AGAP3: variants seen among roughly 807,000 people sequenced by gnomAD.
AGAP3 encodes the protein ArfGAP with GTPase domain, ankyrin repeat and PH domain 3, also known as arf-GAP with GTPase, ANK repeat and PH domain-containing protein 3.
AGAP3 carries 24 observed loss-of-function variants against 96.9 expected under a neutral mutation model. That is an observed-to-expected ratio of 0.25 (90% CI 0.18 to 0.35). The LOEUF is 0.35. AGAP3 is among the 10% of genes least tolerant of loss of function. The pLI, the probability that AGAP3 is intolerant of heterozygous loss-of-function variation, is 1.00. For missense variants in AGAP3, 876 were observed against 1,254.2 expected, an observed-to-expected ratio of 0.70 and a Z score of 4.55; for synonymous variants, 563 against 536.1, an observed-to-expected ratio of 1.05 and a Z score of -0.69.
intron 1 of AGAP3, among the ~76,000 whole-genome samples, chr7:151,109,198 A>T (rs1340034394): frequency 6.6e-6 from 1 of 151,412 alleles, no homozygotes; most frequent in African/African-American, 2.4e-5. Context: ...CAAAAAACAA[A>T]GAAAACAAAG....
At position 151,108,549 on chromosome 7, in the gene AGAP3, G is replaced by A. The variant is rs1055453913; in HGVS notation, c.332-8244G>A. Among the ~76,000 whole-genome samples the A allele has an allele frequency of 6.6e-6, 1 of 152,192 alleles. No homozygotes were observed. Among genetic ancestry groups the A allele is most frequent in the African/African-American group, 2.4e-5 (1 of 41,442 alleles). On this transcript the variant is annotated intron_variant, in intron 1 of 17. Coordinates refer to ENST00000397238, the MANE Select transcript of AGAP3 (RefSeq NM_031946.7). The surrounding 1 kb of genome is among the most constrained non-coding windows in gnomAD (Gnocchi z 4.2). ...CGACATCCTGACCTCTGGAGATGGG[G>A]CAGAATCCCCGGGCCTCAGAGCAGC...
intron 1 of AGAP3, among the ~76,000 whole-genome samples, chr7:151,113,375 C>CA (rs1164603497): frequency 6.6e-6 from 1 of 151,706 alleles, no homozygotes; most frequent in African/African-American, 2.4e-5. Context: ...AGGGCCTCTC[C>CA]AGGCCTGGGA....
intron 1 of AGAP3, among the ~76,000 whole-genome samples, chr7:151,110,236 C>G (rs1799225649): frequency 6.6e-6 from 1 of 152,212 alleles, no homozygotes; most frequent in Non-Finnish European, 1.5e-5. Flanking sequence ...GCAAAGACTT[C>G]CACTCATTCA....
intron 8 of AGAP3, among the ~76,000 whole-genome samples, chr7:151,122,206 G>A (rs1473863247): frequency 2.6e-5 from 4 of 152,234 alleles, no homozygotes; most frequent in Non-Finnish European, 4.4e-5. Flanking sequence ...GGCCAAAGGG[G>A]CAGAGGGCTG....
chr7:151,124,229 C>T (rs903158884), intron 9 of AGAP3, among the ~76,000 whole-genome samples: 1 of 152,164 alleles, frequency 6.6e-6, no homozygotes, highest in African/African-American at 2.4e-5. Flanking sequence ...ATGAGCAACC[C>T]GAGAAGCCTG....
rs370047175 is a variant in AGAP3, at chr7:151,127,695, G to A, written c.1222-885G>A. Among the ~76,000 whole-genome samples the A allele has an allele frequency of 4.6e-5, 7 of 152,344 alleles. No individual in the cohort carries two copies. The East Asian group carries it at 5.8e-4, about 13-fold the overall frequency. On this transcript the variant is annotated intron_variant, in intron 9 of 17. Coordinates refer to ENST00000397238, the MANE Select transcript of AGAP3 (RefSeq NM_031946.7). ...CCTTGTGTGTGTTGTTTAAGGGAGA[G>A]AAGCTGAGCCAGTGAGAGCATCTTT...
At chr7:151,123,625 C>T in intron 8 of AGAP3, 169 bp from the exon 9 acceptor site, 1 of 1,458,608 alleles carries the variant, frequency 6.9e-7, no homozygotes, top group Non-Finnish European at 9.0e-7. Context: ...TAAGAATAAA[C>T]CCGTTGGAAT....
intron 9 of AGAP3, among the ~76,000 whole-genome samples, chr7:151,126,299 C>G (rs998245063): frequency 1.3e-5 from 2 of 152,102 alleles, no homozygotes; most frequent in African/African-American, 4.8e-5. Flanking sequence ...AGAAACCGCG[C>G]GCAGTGCAGG....
chr7:151,144,137 G>A lies in AGAP3; in HGVS notation c.*194G>A. Reference sequence around the variant, plus strand: ...TTGAGCTGCAGCAGAGAGGGATGAGGGATTTAGCCCTCTGCCCTAAGGTGC... The same window carrying A: ...TTGAGCTGCAGCAGAGAGGGATGAGAGATTTAGCCCTCTGCCCTAAGGTGC... On this transcript the variant is annotated 3_prime_UTR_variant, in exon 18 of 18. Transcript: ENST00000397238. 1.5e-6 allele frequency: 1 copy of A among 657,998 alleles called. No homozygotes were observed. The highest frequency in any genetic ancestry group is 2.6e-6 in the Non-Finnish European group (1 of 390,118). The allele number at this position is 657,998 out of a possible 1,614,324, so 40.8% of individuals were successfully genotyped here. A position where few individuals can be genotyped will look rare whatever the true frequency, so the allele number is the denominator to read the frequency against.
Position 151,133,781 on chromosome 7 carries a change from A to T in AGAP3, c.1327-619A>T, listed in dbSNP as rs1800488617. On this transcript the variant is annotated intron_variant, in intron 10 of 17. Coordinates refer to ENST00000397238, the MANE Select transcript of AGAP3 (RefSeq NM_031946.7). The surrounding 1 kb of genome is among the most constrained non-coding windows in gnomAD (Gnocchi z 5.4). Reference sequence around the variant, plus strand: ...TAGGATGGTAAATACCCTGCACGCGACAGGCAGATGACATGACGGCGATGA... The same window carrying T: ...TAGGATGGTAAATACCCTGCACGCGTCAGGCAGATGACATGACGGCGATGA... Among the ~76,000 whole-genome samples the T allele has an allele frequency of 6.6e-6, 1 of 152,226 alleles. No homozygotes were observed. Among genetic ancestry groups the T allele is most frequent in the South Asian group, 2.1e-4 (1 of 4,826 alleles).
At chr7:151,102,956 C>T (rs570540471) in intron 1 of AGAP3, among the ~76,000 whole-genome samples, 2 of 152,326 alleles carry the variant, frequency 1.3e-5, no homozygotes, top group East Asian at 1.9e-4. Flanking sequence ...GTGTTACACA[C>T]CTGTAGTCTC....
At position 151,142,281 on chromosome 7, in the gene AGAP3, G is replaced by A. The variant is rs760294883; in HGVS notation, c.2050+28G>A. The A allele has an allele frequency of 6.2e-7, 1 of 1,609,628 alleles. No homozygotes were observed. Among genetic ancestry groups the A allele is most frequent in the South Asian group, 1.1e-5 (1 of 90,836 alleles). On this transcript the variant is annotated intron_variant, in intron 15 of 17. Coordinates refer to ENST00000397238, the MANE Select transcript of AGAP3 (RefSeq NM_031946.7). This position sits in a 1 kb window ranked among gnomAD's most constrained non-coding sequence, Gnocchi z 7.5. The stretch of plus-strand genomic sequence containing the variant: ...GAGTGCAAGGCTGGTGGGGCTGGGA[G>A]CTGGGGATGGCCCAGGGAAAGCTTC...
intron 11 of AGAP3, among the ~76,000 whole-genome samples, chr7:151,135,308 G>A (rs1800551378): frequency 6.6e-6 from 1 of 152,162 alleles, no homozygotes; most frequent in Admixed American, 6.5e-5. Context: ...TGTTCCCTGG[G>A]CCCAGTAACA....
At position 151,138,251 on chromosome 7, in the gene AGAP3, T is replaced by TTTCCAGCGC. The variant is rs1563524328; in HGVS notation, c.1605_1613dup (p.Ser536_Ala538dup). The TTTCCAGCGC allele has an allele frequency of 6.2e-7, 1 of 1,612,834 alleles. No individual in the cohort carries two copies. ...GGGCTGCACCAGCGCTCCTGCTCCGTTTCCAGCGCCGACCAGTGGAGTGAG... is the reference window on the plus strand; with the variant it reads ...GGGCTGCACCAGCGCTCCTGCTCCGTTTCCAGCGCTTCCAGCGCCGACCAGTGGAGTGAG... On this transcript the variant is annotated inframe_insertion, in exon 12 of 18. Coordinates refer to ENST00000397238, the MANE Select transcript of AGAP3 (RefSeq NM_031946.7).
chr7:151,120,177 G>C, intron 8 of AGAP3, 32 bp downstream of exon 8: 1 of 1,566,008 alleles, frequency 6.4e-7, no homozygotes, highest in Non-Finnish European at 8.7e-7. Context: ...CCGCCCAGCT[G>C]CCTTTGCTGC....
Position 151,142,860 on chromosome 7 carries a change from G to C in AGAP3, c.2273+226G>C, listed in dbSNP as rs571127918. Among the ~76,000 whole-genome samples, 1 of 152,358 alleles carries C rather than the reference G, an allele frequency of 6.6e-6. No homozygotes were observed. Among genetic ancestry groups the C allele is most frequent in the South Asian group, 2.1e-4 (1 of 4,834 alleles). ...AGCGTTATCAGCAGGTCAGGGGCCA[G>C]CAGGAGGCGCATGCGCAGGGCCCCT... On this transcript the variant is annotated intron_variant, in intron 16 of 17. Transcript: ENST00000397238. This position sits in a 1 kb window ranked among gnomAD's most constrained non-coding sequence, Gnocchi z 7.5.
In AGAP3 at chr7:151,117,488, G is replaced by A. The variant is rs372558355; in HGVS notation, c.564+32G>A. ...CTCCTGCCCAGGGTTAGGGCCCACC[G>A]CTGTGCCTGGAGCCCTTTCTCGAGC... On this transcript the variant is annotated intron_variant, in intron 4 of 17. Transcript: ENST00000397238. The A allele has an allele frequency of 2.1e-5, 34 of 1,613,648 alleles. No homozygotes were observed. In the African/African-American group the frequency reaches 3.1e-4, roughly 15 times the overall value.
rs763396828 is a variant in AGAP3, at chr7:151,119,207, C to T, written c.969+575C>T. 7.3e-5 allele frequency: 12 copies of T among 163,950 alleles called. No homozygotes were observed. The East Asian group carries it at 8.9e-4, about 12-fold the overall frequency. The allele number at this position is 163,950 out of a possible 1,614,324, so 10.2% of individuals were successfully genotyped here. On this transcript the variant is annotated intron_variant, in intron 7 of 17. Coordinates refer to ENST00000397238, the MANE Select transcript of AGAP3 (RefSeq NM_031946.7). ...CTCACTTCTGCAGTGGTCCCTGTCC[C>T]GAGGGGCAGGTTGTGGAGGGGCAGT...
At chr7:151,135,994 C>T (rs897307770) in intron 11 of AGAP3, among the ~76,000 whole-genome samples, 1 of 152,160 alleles carries the variant, frequency 6.6e-6, no homozygotes, top group East Asian at 1.9e-4. Flanking sequence ...AGGAGAAGGC[C>T]GGCCACCACC....
Sources: allele counts gnomAD v4.1 joint callset (sites outside exome capture counted in the v4.1 genomes callset), GRCh38; gene constraint gnomAD v4.1.1; non-coding constraint Gnocchi (gnomAD v3.1); transcripts MANE v1.5; gene names NCBI Gene and HGNC (gene_info 2026-07-23, HGNC 2026-07-21).